Variants in MOXD1 observed in about 807,000 individuals in gnomAD.
MOXD1 encodes monooxygenase DBH like 1.
A neutral mutation model predicts 66.6 loss-of-function variants in MOXD1; 62 were observed. That is an observed-to-expected ratio of 0.93 (90% confidence interval 0.76 to 1.15). The LOEUF is 1.15. Among genes scored for constraint, MOXD1 ranks in the 50% most tolerant of loss-of-function variants. MOXD1 has a pLI of 0.00. For synonymous variants in MOXD1, 303 were observed against 281.9 expected (o/e 1.07, Z -0.75); for missense variants, 847 against 754.6 (o/e 1.12, Z -1.44).
chr6:132,351,669 G>A (rs1449379714), intron 4 of MOXD1, among the ~76,000 whole-genome samples: 1 of 152,124 alleles, frequency 6.6e-6, no homozygotes, highest in Non-Finnish European at 1.5e-5. Flanking sequence ...ATGAATTAGG[G>A]AGGGTTCTCC....
chr6:132,376,356 T>C (rs958295832), intron 1 of MOXD1, among the ~76,000 whole-genome samples: 2 of 152,212 alleles, frequency 1.3e-5, no homozygotes, highest in African/African-American at 4.8e-5. Context: ...ATTCCAAGCA[T>C]CTTTGTATGG....
At chr6:132,309,386 G>C (rs964376520) in intron 10 of MOXD1, among the ~76,000 whole-genome samples, 1 of 152,106 alleles carries the variant, frequency 6.6e-6, no homozygotes, top group Non-Finnish European at 1.5e-5. Flanking sequence ...AAAATAAATG[G>C]AAAAACATTC....
At position 132,365,949 on chromosome 6, in the gene MOXD1, C is replaced by G. The variant is rs1776113128; in HGVS notation, c.663+6659G>C. On this transcript the variant is annotated intron_variant, in intron 4 of 11. Transcript: ENST00000367963. Reference sequence around the variant, plus strand: ...AAAAATAGATAAAACTTACAATACACTTAGAAATGAGGAATAATTTTTGGC... The same window carrying G: ...AAAAATAGATAAAACTTACAATACAGTTAGAAATGAGGAATAATTTTTGGC... Among the ~76,000 whole-genome samples the G allele has an allele frequency of 2.6e-5, 4 of 152,188 alleles. No homozygotes were observed. In the South Asian group the frequency reaches 8.3e-4, roughly 32 times the overall value.
At chr6:132,373,691 G>A (rs1163112931) in intron 2 of MOXD1, among the ~76,000 whole-genome samples, 1 of 152,162 alleles carries the variant, frequency 6.6e-6, no homozygotes, top group East Asian at 1.9e-4. Flanking sequence ...CTATGGGTTG[G>A]GGAGGGTTTG....
intron 10 of MOXD1, among the ~76,000 whole-genome samples, chr6:132,306,084 T>G (rs1279398283): frequency 2.6e-5 from 4 of 152,066 alleles, no homozygotes; most frequent in Non-Finnish European, 5.9e-5. Flanking sequence ...AGAAGCATGT[T>G]CTAACCCAAT....
intron 4 of MOXD1, among the ~76,000 whole-genome samples, chr6:132,364,461 C>T (rs1266390426): frequency 6.6e-6 from 1 of 152,090 alleles, no homozygotes; most frequent in African/African-American, 2.4e-5. Context: ...TTCATCTTTG[C>T]TGAAAATTAT....
intron 1 of MOXD1, among the ~76,000 whole-genome samples, chr6:132,375,929 T>A (rs532196544): frequency 1.3e-5 from 2 of 152,282 alleles, no homozygotes; most frequent in East Asian, 3.9e-4. Flanking sequence ...ACAAATGAGA[T>A]GGTTTGGGCG....
At chr6:132,299,163 A>G (rs144942391) in intron 10 of MOXD1, among the ~76,000 whole-genome samples, 1 of 152,288 alleles carries the variant, frequency 6.6e-6, no homozygotes, top group Non-Finnish European at 1.5e-5. Context: ...TCCTAAGTGA[A>G]TTACACAGGA....
chr6:132,343,725 T>C (rs190800528), intron 4 of MOXD1, among the ~76,000 whole-genome samples: 1 of 152,128 alleles, frequency 6.6e-6, no homozygotes, highest in Non-Finnish European at 1.5e-5. Context: ...TTGGCAACAT[T>C]TAAAAAGTCT....
intron 4 of MOXD1, among the ~76,000 whole-genome samples, chr6:132,343,504 G>T (rs949141299): frequency 1.8e-4 from 28 of 152,112 alleles, no homozygotes; most frequent in African/African-American, 6.8e-4. Flanking sequence ...GAACCCAGAA[G>T]GCAGAGGTTG....
chr6:132,357,915 C>T (rs2114636449), intron 4 of MOXD1, among the ~76,000 whole-genome samples: 1 of 152,080 alleles, frequency 6.6e-6, no homozygotes, highest in East Asian at 1.9e-4. Context: ...TTTTCTGCAA[C>T]CATGAAATAA....
chr6:132,302,619 G>T (rs1366978613), intron 10 of MOXD1, among the ~76,000 whole-genome samples: 1 of 152,060 alleles, frequency 6.6e-6, no homozygotes. Flanking sequence ...TATTGTTAAG[G>T]TATCAATTCT....
At chr6:132,300,879 G>T (rs575504246) in intron 10 of MOXD1, among the ~76,000 whole-genome samples, 1 of 152,190 alleles carries the variant, frequency 6.6e-6, no homozygotes, top group African/African-American at 2.4e-5. Flanking sequence ...ACTTGGTTTA[G>T]GCCCCTGTTC....
At chr6:132,355,280 C>G (rs1378616916) in intron 4 of MOXD1, among the ~76,000 whole-genome samples, 1 of 152,106 alleles carries the variant, frequency 6.6e-6, no homozygotes, top group Non-Finnish European at 1.5e-5. Context: ...TGGTACCAAG[C>G]AGGGATGGCA....
chr6:132,369,700 G>A (rs994870040), intron 4 of MOXD1, among the ~76,000 whole-genome samples: 1 of 152,018 alleles, frequency 6.6e-6, no homozygotes, highest in African/African-American at 2.4e-5. Flanking sequence ...AGTGACTAAC[G>A]GATGGGCAGC....
rs147693794 is a variant in MOXD1 at position 132,328,511 on chromosome 6, G to T, written c.747C>A (p.Ser249Arg). 6.8e-5 allele frequency: 109 copies of T among 1,613,978 alleles called. No homozygotes were observed. Among genetic ancestry groups the T allele is most frequent in the Non-Finnish European group, 8.6e-5 (102 of 1,180,016 alleles). Residue 249 changes from serine to arginine, a missense_variant, in exon 5 of 12, where the codon AGC becomes AGA. Transcript: ENST00000367963. ...AGCACTCGTGGCCGGACTCCAGAACGCTGTCGTTAAAGTTGTTGCTGCACT... is the reference window on the plus strand; with the variant it reads ...AGCACTCGTGGCCGGACTCCAGAACTCTGTCGTTAAAGTTGTTGCTGCACT... ...LYQCSNNFND[S>R]VLESGHECYH...
At chr6:132,396,839 T>C (rs974186711) in intron 1 of MOXD1, among the ~76,000 whole-genome samples, 5 of 152,128 alleles carry the variant, frequency 3.3e-5, no homozygotes, top group African/African-American at 9.7e-5. Flanking sequence ...CTAAAAAACC[T>C]GAATAGACCA....
chr6:132,362,164 G>T (rs941913384), intron 4 of MOXD1, among the ~76,000 whole-genome samples: 1 of 151,992 alleles, frequency 6.6e-6, no homozygotes, highest in African/African-American at 2.4e-5. Flanking sequence ...AAATTGACCT[G>T]TGATATCCTA....
chr6:132,324,058 A>G lies in MOXD1; in HGVS notation c.986T>C (p.Met329Thr). The change falls in exon 7 of 12, where the codon ATG (methionine) becomes ACG (threonine). Residue 329 changes from methionine (M) to threonine (T), a missense_variant. Met to Thr is a moderately conservative substitution (Grantham distance 81). Transcript: ENST00000367963. ...DNSGLRLFYTMDIRKYDAGVI... is the reference protein window; with the variant it reads ...DNSGLRLFYTTDIRKYDAGVI... ...CCCAGCATCATATTTCCTTATATCC[A>G]TTGTGTAAAATAACCTCAGTCCAGA... The G allele has an allele frequency of 1.9e-6, 3 of 1,613,826 alleles. No individual in the cohort carries two copies. The highest frequency in any genetic ancestry group is 1.3e-5 in the African/African-American group (1 of 75,036).
Sources: allele counts gnomAD v4.1 joint callset (sites outside exome capture counted in the v4.1 genomes callset), GRCh38; gene constraint gnomAD v4.1.1; transcripts MANE v1.5; gene names NCBI Gene and HGNC (gene_info 2026-07-23, HGNC 2026-07-21).